SNTG1: variants seen among roughly 807,000 people sequenced by gnomAD.
SNTG1 encodes syntrophin gamma 1.
In SNTG1, 39 loss-of-function variants were observed where a neutral mutation model predicts 74.7. That is an observed-to-expected ratio of 0.52 (90% CI 0.40 to 0.68). The LOEUF (loss-of-function observed/expected upper bound fraction) is 0.68. Ranked by LOEUF, SNTG1 falls within the 30% of genes least tolerant of loss-of-function variation. SNTG1 has a pLI of 0.00. For synonymous variants in SNTG1, 254 were observed against 217.1 expected, an observed-to-expected ratio of 1.17 and a Z score of -1.49; for missense variants, 685 against 609.5, an observed-to-expected ratio of 1.12 and a Z score of -1.30.
At chr8:50,782,379 C>T (rs974209953) in intron 18 of SNTG1, among the ~76,000 whole-genome samples, 18 of 152,184 alleles carry the variant, frequency 1.2e-4, no homozygotes, top group African/African-American at 4.3e-4. Flanking sequence ...CATAGTCCCA[C>T]ACTTCTTGGA....
chr8:50,030,819 TTAAA>T lies in SNTG1; in HGVS notation c.-103+118590_-103+118593del, dbSNP rs146157214. Among the ~76,000 whole-genome samples, 97 of 152,116 alleles carry T rather than the reference TTAAA, an allele frequency of 6.4e-4. No individual in the cohort carries two copies. The East Asian group carries it at 0.016, about 25-fold the overall frequency. ...CTTTTCAAAATTGCTTTAGCTATTC[TTAAA>T]TCATTGCCTGTCCATATATATTTTA... On this transcript the variant is annotated intron_variant, in intron 1 of 18. Transcript: ENST00000642720.
At chr8:50,513,991 C>T (rs1027409256) in intron 9 of SNTG1, among the ~76,000 whole-genome samples, 21 of 152,198 alleles carry the variant, frequency 1.4e-4, no homozygotes, top group Admixed American at 6.5e-4. Flanking sequence ...AGGAATCACC[C>T]GTCTTCTGCA....
intron 1 of SNTG1, among the ~76,000 whole-genome samples, chr8:49,995,132 T>A (rs189880203): frequency 5.8e-4 from 88 of 152,166 alleles, no homozygotes; most frequent in South Asian, 2.3e-3. Context: ...AAATAATCAG[T>A]GAACAGAGGT....
intron 15 of SNTG1, among the ~76,000 whole-genome samples, chr8:50,666,261 C>A (rs2095250401): frequency 6.6e-6 from 1 of 152,060 alleles, no homozygotes; most frequent in Non-Finnish European, 1.5e-5. Flanking sequence ...GTGTCAAAGT[C>A]ATTAAAGTTA....
chr8:50,172,497 T>A (rs2082841767), intron 1 of SNTG1, 64 bp from the exon 2 acceptor site: 1 of 152,194 alleles, frequency 6.6e-6, no homozygotes, highest in Non-Finnish European at 1.5e-5. Context: ...TTTCGGTGTG[T>A]AGATTTCATC....
At chr8:50,259,519 AGAAAG>A in intron 2 of SNTG1, among the ~76,000 whole-genome samples, 1 of 14,134 alleles carries the variant, frequency 7.1e-5, no homozygotes, top group East Asian at 6.3e-3. Context: ...AAAGAAAGAA[AGAAAG>A]AAAGAAAGAA....
intron 2 of SNTG1, among the ~76,000 whole-genome samples, chr8:50,349,357 T>C (rs557303649): frequency 7.9e-5 from 12 of 152,292 alleles, no homozygotes; most frequent in African/African-American, 2.9e-4. Flanking sequence ...AAGTTAGTTT[T>C]TTAATCTATA....
At chr8:50,431,335 G>C (rs1282447221) in intron 4 of SNTG1, among the ~76,000 whole-genome samples, 1 of 152,130 alleles carries the variant, frequency 6.6e-6, no homozygotes, top group Non-Finnish European at 1.5e-5. Context: ...AACATGGGAG[G>C]CTATGCATGC....
chr8:50,472,177 G>T (rs138614017), intron 8 of SNTG1, among the ~76,000 whole-genome samples: 1,530 of 152,118 alleles, frequency 0.01, 15 homozygotes, highest in Non-Finnish European at 0.015. Flanking sequence ...GTTTTTCTGA[G>T]AAATAGAAAA....
intron 5 of SNTG1, among the ~76,000 whole-genome samples, chr8:50,448,555 T>A (rs2131613765): frequency 6.6e-6 from 1 of 152,328 alleles, no homozygotes; most frequent in Middle Eastern, 3.4e-3. Context: ...TGCTTCTTTT[T>A]ATATATGACA....
chr8:50,012,605 C>A (rs1229762944), intron 1 of SNTG1, among the ~76,000 whole-genome samples: 2 of 152,050 alleles, frequency 1.3e-5, no homozygotes, highest in Non-Finnish European at 2.9e-5. Flanking sequence ...GCTGACAGAT[C>A]AGGAGATTAC....
intron 9 of SNTG1, among the ~76,000 whole-genome samples, chr8:50,509,251 G>C (rs1047276086): frequency 1.3e-5 from 2 of 152,128 alleles, no homozygotes; most frequent in African/African-American, 4.8e-5. Context: ...CATTATTTCT[G>C]AGGGCTCTGT....
At chr8:50,706,817 T>C (rs1041890966) in intron 16 of SNTG1, among the ~76,000 whole-genome samples, 2 of 152,006 alleles carry the variant, frequency 1.3e-5, no homozygotes, top group Non-Finnish European at 2.9e-5. Context: ...TTCTATATTC[T>C]TAATTTATCA....
At chr8:50,579,611 G>T (rs1351112168) in intron 12 of SNTG1, among the ~76,000 whole-genome samples, 1 of 152,104 alleles carries the variant, frequency 6.6e-6, no homozygotes, top group African/African-American at 2.4e-5. Context: ...CATCGCAGCT[G>T]CTCTGGCTAT....
At chr8:50,177,280 G>GCCTTCTTTCTC (rs2131688232) in intron 2 of SNTG1, among the ~76,000 whole-genome samples, 1 of 152,258 alleles carries the variant, frequency 6.6e-6, no homozygotes, top group South Asian at 2.1e-4. Flanking sequence ...TTGTTCATAT[G>GCCTTCTTTCTC]ACTTTCCACA....
At chr8:49,952,372 AGAGAGGCATAAACCATGGT>A (rs1809802101) in intron 1 of SNTG1, among the ~76,000 whole-genome samples, 1 of 152,180 alleles carries the variant, frequency 6.6e-6, no homozygotes, top group Admixed American at 6.5e-5. Context: ...TGAGAACCGA[AGAGAGGCATAAACCATGGT>A]GAGAGGCATA....
chr8:50,563,969 T>C (rs796092207), intron 12 of SNTG1, among the ~76,000 whole-genome samples: 5 of 152,320 alleles, frequency 3.3e-5, no homozygotes, highest in African/African-American at 1.2e-4. Context: ...TTTTACTGAA[T>C]AAAAATCTCT....
intron 2 of SNTG1, among the ~76,000 whole-genome samples, chr8:50,370,059 G>A (rs753421866): frequency 1.3e-5 from 2 of 152,114 alleles, no homozygotes; most frequent in Non-Finnish European, 2.9e-5. Flanking sequence ...AAGGATCTGA[G>A]TACTATGTAT....
intron 1 of SNTG1, among the ~76,000 whole-genome samples, chr8:50,103,312 C>T (rs529237923): frequency 3.3e-5 from 5 of 152,290 alleles, no homozygotes; most frequent in African/African-American, 1.2e-4. Flanking sequence ...ATTTTATTCT[C>T]TTTGAAGCAA....
Sources: gnomAD v4.1 joint callset for allele counts (sites outside exome capture counted in the v4.1 genomes callset) on GRCh38, gnomAD v4.1.1 for gene constraint, MANE v1.5 for transcripts, NCBI Gene and HGNC (gene_info 2026-07-23, HGNC 2026-07-21) for gene names.